Variants in NAV2 observed in about 807,000 individuals in gnomAD.
The protein encoded by NAV2 is helicase, APC down-regulated 1.
A neutral mutation model predicts 223.2 loss-of-function variants in NAV2; 54 were observed. The ratio of observed to expected loss-of-function variants is 0.24; its 90% CI spans 0.19 to 0.30. The LOEUF (loss-of-function observed/expected upper bound fraction) is 0.30, where lower values mean the gene tolerates loss of function less well. Ranked by LOEUF, NAV2 falls within the 10% of genes least tolerant of loss-of-function variation. NAV2 has a pLI of 1.00. For missense variants in NAV2, 2,806 were observed against 3,147.5 expected (o/e 0.89, Z 2.60); for synonymous variants, 1,279 against 1,239.3 (o/e 1.03, Z -0.67).
intron 1 of NAV2, among the ~76,000 whole-genome samples, chr11:19,735,525 T>A (rs910234105): frequency 6.6e-6 from 1 of 152,200 alleles, no homozygotes; most frequent in African/African-American, 2.4e-5. Context: ...TCAGCACTAT[T>A]ATTCACCCTG....
At chr11:19,897,744 T>TG (rs2042102840) in intron 6 of NAV2, among the ~76,000 whole-genome samples, 1 of 151,960 alleles carries the variant, frequency 6.6e-6, no homozygotes, top group African/African-American at 2.4e-5. Context: ...CTGTGAGGTT[T>TG]GGAGGAAAGT....
chr11:19,492,290 A>C (rs566943332), intron 1 of NAV2, among the ~76,000 whole-genome samples: 1 of 152,280 alleles, frequency 6.6e-6, no homozygotes, highest in African/African-American at 2.4e-5. Flanking sequence ...TTAAAAAAAA[A>C]AAAACTCAAT....
At chr11:19,780,092 AAAT>A (rs1451036135) in intron 1 of NAV2, among the ~76,000 whole-genome samples, 1 of 152,240 alleles carries the variant, frequency 6.6e-6, no homozygotes, top group East Asian at 1.9e-4. Context: ...ATTGGATCAA[AAAT>A]AAGGCCCAGA....
At chr11:19,391,195 A>G (rs1035033384) in intron 1 of NAV2, among the ~76,000 whole-genome samples, 3 of 151,684 alleles carry the variant, frequency 2.0e-5, no homozygotes, top group Admixed American at 6.6e-5. Context: ...GGCCTTCACT[A>G]CCACTCACCT....
At chr11:19,786,115 T>C (rs1170279850) in intron 1 of NAV2, among the ~76,000 whole-genome samples, 2 of 152,256 alleles carry the variant, frequency 1.3e-5, no homozygotes. Context: ...TTCCCAGAAG[T>C]GTTTTAGATT....
intron 1 of NAV2, among the ~76,000 whole-genome samples, chr11:19,615,177 GT>G (rs1414274337): frequency 6.6e-6 from 1 of 151,294 alleles, no homozygotes; most frequent in Non-Finnish European, 1.5e-5. Context: ...ATATACAGAT[GT>G]ATATATAATA....
intron 1 of NAV2, among the ~76,000 whole-genome samples, chr11:19,567,079 A>G (rs1223513701): frequency 6.6e-6 from 1 of 152,246 alleles, no homozygotes; most frequent in African/African-American, 2.4e-5. Flanking sequence ...TTATCCCTGC[A>G]AAGTAAATAT....
At chr11:19,386,323 G>A (rs896090195) in intron 1 of NAV2, among the ~76,000 whole-genome samples, 4 of 152,196 alleles carry the variant, frequency 2.6e-5, no homozygotes, top group Non-Finnish European at 5.9e-5. Flanking sequence ...CTCTATTGCT[G>A]TGTGATGTCT....
At chr11:19,525,343 G>A (rs1382522966) in intron 1 of NAV2, among the ~76,000 whole-genome samples, 3 of 152,228 alleles carry the variant, frequency 2.0e-5, no homozygotes, top group Non-Finnish European at 4.4e-5. Context: ...AGGCTTTGCT[G>A]TGTGCCAATC....
chr11:19,774,245 T>G (rs1309747420), intron 1 of NAV2, among the ~76,000 whole-genome samples: 1 of 152,236 alleles, frequency 6.6e-6, no homozygotes, highest in Non-Finnish European at 1.5e-5. Context: ...GGAACCATCA[T>G]AGCTCATTGC....
chr11:19,405,256 CA>C (rs977279696), intron 1 of NAV2, among the ~76,000 whole-genome samples: 2 of 152,164 alleles, frequency 1.3e-5, no homozygotes, highest in Non-Finnish European at 2.9e-5. Context: ...TGGAAAGGAA[CA>C]AGATCATTAT....
At chr11:19,482,345 T>C (rs2042305695) in intron 1 of NAV2, among the ~76,000 whole-genome samples, 1 of 152,182 alleles carries the variant, frequency 6.6e-6, no homozygotes, top group Non-Finnish European at 1.5e-5. Flanking sequence ...AATGAGAATA[T>C]GCTGCTGAAT....
intron 1 of NAV2, among the ~76,000 whole-genome samples, chr11:19,406,383 C>T (rs4757796): frequency 0.3 from 45,747 of 151,964 alleles, 7,131 homozygotes; most frequent in Admixed American, 0.33. Context: ...GGAAGCACCG[C>T]GCAGAACGGC....
At chr11:19,995,513 G>A (rs2051788093) in intron 11 of NAV2, among the ~76,000 whole-genome samples, 1 of 152,204 alleles carries the variant, frequency 6.6e-6, no homozygotes, top group Non-Finnish European at 1.5e-5. Flanking sequence ...TAAGCCTAGG[G>A]TAAGCTGTAA....
At chr11:19,346,551 C>T (rs568865542), upstream of NAV2, among the ~76,000 whole-genome samples, 2 of 152,256 alleles carry the variant, frequency 1.3e-5, no homozygotes, top group African/African-American at 4.8e-5. Flanking sequence ...ACTCAGGCGG[C>T]GGCGGTGGCA....
At chr11:19,376,759 G>C (rs1399596279) in intron 1 of NAV2, among the ~76,000 whole-genome samples, 2 of 152,156 alleles carry the variant, frequency 1.3e-5, no homozygotes, top group Non-Finnish European at 2.9e-5. Flanking sequence ...TGGGGCTCTG[G>C]AAAAACAAAG....
chr11:19,906,043 C>T lies in NAV2; in HGVS notation c.931+13449C>T, dbSNP rs562271621. 5.9e-5 allele frequency among the ~76,000 whole-genome samples: 9 copies of T among 152,190 alleles called. No individual in the cohort carries two copies. In the East Asian group the frequency reaches 9.6e-4, roughly 16 times the overall value. On this transcript the variant is annotated intron_variant, in intron 6 of 37. Transcript: ENST00000349880. ...TCTTACAAGCCCAAGGCTGATGGGA[C>T]GGTCTTGCTAAGGTGCACCAGCTTC...
Position 19,919,510 on chromosome 11 carries a change from G to A in NAV2, c.932-13666G>A, listed in dbSNP as rs557635157. The stretch of plus-strand genomic sequence containing the variant: ...CAATGCCTGTAGGGCACAGGGCCCT[G>A]GCTCAGAGTGGGAATATGGCAGAGG... On this transcript the variant is annotated intron_variant, in intron 6 of 37. Transcript: ENST00000349880. Among the ~76,000 whole-genome samples, 4 of 152,272 alleles carry A rather than the reference G, an allele frequency of 2.6e-5. No homozygotes were observed. The East Asian group carries it at 7.7e-4, about 29-fold the overall frequency.
chr11:19,506,006 C>T (rs1456612821), intron 1 of NAV2: 1 of 152,244 alleles, frequency 6.6e-6, no homozygotes, highest in African/African-American at 2.4e-5. Flanking sequence ...CAGCATGACA[C>T]GTGGGATTCA....
Sources: allele counts gnomAD v4.1 joint callset (sites outside exome capture counted in the v4.1 genomes callset), GRCh38; gene constraint gnomAD v4.1.1; transcripts MANE v1.5; gene names NCBI Gene and HGNC (gene_info 2026-07-23, HGNC 2026-07-21).